The following ZNF469 variants were observed in gnomAD, a reference collection of about 807,000 sequenced individuals.
ZNF469 encodes the protein zinc finger protein 469.
A neutral mutation model predicts 1.0 loss-of-function variants in ZNF469; 1 was observed. That is an observed-to-expected ratio of 1.00 (90% CI 0.35 to 4.73). ZNF469 has a LOEUF of 4.73. Among genes scored for constraint, ZNF469 ranks in the 30% most tolerant of loss-of-function variants. ZNF469 has a pLI of 0.16. For synonymous variants in ZNF469, 2,703 were observed against 2,363.4 expected, an observed-to-expected ratio of 1.14 and a Z score of -4.17; for missense variants, 6,100 against 5,356.3, an observed-to-expected ratio of 1.14 and a Z score of -4.33.
intron 1 of ZNF469, among the ~76,000 whole-genome samples, chr16:88,422,816 ATGGG>A (rs1905529109): frequency 7.6e-6 from 1 of 131,626 alleles, no homozygotes; most frequent in African/African-American, 3.1e-5. Flanking sequence ...AGATGGGCAG[ATGGG>A]TGGGTGGGTG....
chr16:88,304,744 A>G, the ZNF469 span, among the ~76,000 whole-genome samples: 3 of 152,214 alleles, frequency 2.0e-5, no homozygotes, highest in Admixed American at 1.3e-4. Flanking sequence ...TGGATGTTGC[A>G]AAATCAGATT....
chr16:88,197,247 C>T, the ZNF469 span, among the ~76,000 whole-genome samples: 1 of 152,130 alleles, frequency 6.6e-6, no homozygotes, highest in Non-Finnish European at 1.5e-5. Context: ...AGCACAGGTG[C>T]AAAGGAAGAA....
At chr16:88,130,731 G>C in the ZNF469 span, among the ~76,000 whole-genome samples, 4 of 147,042 alleles carry the variant, frequency 2.7e-5, no homozygotes, top group African/African-American at 1.0e-4. Context: ...AAAAAAAGAG[G>C]CACCTAATAA....
the ZNF469 span, among the ~76,000 whole-genome samples, chr16:88,311,441 A>G: frequency 1.5e-3 from 235 of 152,340 alleles, 2 homozygotes; most frequent in Non-Finnish European, 1.5e-3. Context: ...AAGAAAGCCC[A>G]TGACTGTTTC....
chr16:88,352,029 A>G, the ZNF469 span, among the ~76,000 whole-genome samples: 2 of 152,222 alleles, frequency 1.3e-5, no homozygotes, highest in Admixed American at 6.5e-5. Context: ...TGGTGCAGCC[A>G]CAACAGGCCA....
In ZNF469 at chr16:88,434,238, C is replaced by T. The variant is rs753436673; in HGVS notation, c.6768C>T (p.Ser2256=). 1 of 1,550,360 alleles carries T rather than the reference C, an allele frequency of 6.5e-7. No individual in the cohort carries two copies. Among genetic ancestry groups the T allele is most frequent in the Non-Finnish European group, 8.7e-7 (1 of 1,146,970 alleles). ...KDSTLRIPED[S]RKEKLWESPG... is the part of the protein sequence containing the mutation. ...GCACTTTAAGAATTCCAGAGGATTC[C>T]AGAAAAGAGAAGCTGTGGGAGTCTC... is the stretch of plus-strand genomic sequence containing the variant. The change falls in exon 3 of 3, where the codon TCC becomes TCT. Residue 2256 remains serine, a synonymous_variant. Coordinates refer to ENST00000565624, the MANE Select transcript of ZNF469 (RefSeq NM_001367624.2).
At chr16:88,331,048 T>TCATCAC in the ZNF469 span, among the ~76,000 whole-genome samples, 64,906 of 146,196 alleles carry the variant, frequency 0.44, 14,243 homozygotes, top group South Asian at 0.51. Flanking sequence ...ATCATCACCA[T>TCATCAC]CATCACCATC....
chr16:88,433,270 C>T lies in ZNF469; in HGVS notation c.5800C>T (p.Arg1934Ter). The change falls in exon 3 of 3, where the codon CGA becomes TGA. Residue 1934 changes from arginine (R) to a stop codon, truncating the protein, a stop_gained. Coordinates refer to ENST00000565624, the MANE Select transcript of ZNF469 (RefSeq NM_001367624.2). LOFTEE classifies it low-confidence loss of function (END_TRUNC). ...GACACCTGCTGCCCAGAGCCCTCCA[C>T]GAGTGAACCCCTCAGGTCTGGAAGG... ...ELTPAAQSPP[R>*]VNPSGLEGGT... The T allele has an allele frequency of 1.3e-6, 2 of 1,550,350 alleles. No individual in the cohort carries two copies. The highest frequency in any genetic ancestry group is 1.7e-6 in the Non-Finnish European group (2 of 1,146,958).
chr16:88,152,762 G>A, the ZNF469 span, among the ~76,000 whole-genome samples: 65 of 152,154 alleles, frequency 4.3e-4, 1 homozygote, highest in African/African-American at 1.2e-3. The surrounding 1 kb of genome is among the most constrained non-coding windows in gnomAD (Gnocchi z 4.2). Flanking sequence ...CTGGGAAGGC[G>A]AGGGTCGGAA....
chr16:88,285,040 G>T, the ZNF469 span, among the ~76,000 whole-genome samples: 2 of 152,264 alleles, frequency 1.3e-5, no homozygotes, highest in African/African-American at 4.8e-5. Context: ...CCGGGTCTCA[G>T]GTTCCCAGGC....
chr16:88,283,800 T>C, the ZNF469 span, among the ~76,000 whole-genome samples: 1 of 151,406 alleles, frequency 6.6e-6, no homozygotes, highest in Non-Finnish European at 1.5e-5. Flanking sequence ...AGACCCCCAG[T>C]GTGCCCGAGG....
the ZNF469 span, among the ~76,000 whole-genome samples, chr16:88,328,136 A>G: frequency 6.6e-6 from 1 of 152,226 alleles, no homozygotes; most frequent in African/African-American, 2.4e-5. Context: ...CCAGGGAAGG[A>G]GGAGCTGCCG....
chr16:88,309,673 A>G, the ZNF469 span, among the ~76,000 whole-genome samples: 1 of 139,148 alleles, frequency 7.2e-6, no homozygotes, highest in African/African-American at 2.8e-5. Flanking sequence ...GTGCCCTGTC[A>G]GTGTTCAGGA....
At chr16:88,108,633 T>G in the ZNF469 span, among the ~76,000 whole-genome samples, 7 of 152,328 alleles carry the variant, frequency 4.6e-5, no homozygotes, top group East Asian at 3.9e-4. Flanking sequence ...CACTTCAGTG[T>G]GACTTCCCTG....
At chr16:88,226,245 C>G in the ZNF469 span, among the ~76,000 whole-genome samples, 25 of 152,280 alleles carry the variant, frequency 1.6e-4, no homozygotes, top group African/African-American at 5.8e-4. Flanking sequence ...AGGCTTCACC[C>G]CCAGCACGCA....
chr16:88,213,090 G>A, the ZNF469 span, among the ~76,000 whole-genome samples: 2 of 151,126 alleles, frequency 1.3e-5, no homozygotes, highest in East Asian at 2.0e-4. Context: ...TTTTGATTCC[G>A]TATTCTGTTT....
the ZNF469 span, among the ~76,000 whole-genome samples, chr16:88,127,610 T>C: frequency 6.6e-6 from 1 of 152,168 alleles, no homozygotes; most frequent in Non-Finnish European, 1.5e-5. Context: ...GTGGAAAGGC[T>C]GGTGTGATGA....
At chr16:88,199,256 C>T in the ZNF469 span, among the ~76,000 whole-genome samples, 3 of 152,208 alleles carry the variant, frequency 2.0e-5, no homozygotes, top group Admixed American at 6.5e-5. Context: ...GCCCTGGCAC[C>T]CGACAACCCC....
chr16:88,404,451 G>A (rs1275796516), intron 1 of ZNF469, among the ~76,000 whole-genome samples: 1 of 152,210 alleles, frequency 6.6e-6, no homozygotes. Flanking sequence ...TTGGTTCGAG[G>A]TTGTCCACCC....
Sources: allele counts gnomAD v4.1 joint callset (sites outside exome capture counted in the v4.1 genomes callset), GRCh38; gene constraint gnomAD v4.1.1; non-coding constraint Gnocchi (gnomAD v3.1); transcripts MANE v1.5; gene names NCBI Gene and HGNC (gene_info 2026-07-23, HGNC 2026-07-21).